The following IPCEF1 variants were observed in gnomAD, a reference collection of about 807,000 sequenced individuals.
The protein encoded by IPCEF1 is interactor protein for cytohesin exchange factors 1.
IPCEF1 carries 31 observed loss-of-function variants against 50.9 expected under a neutral mutation model. The ratio of observed to expected loss-of-function variants is 0.61; its 90% CI spans 0.46 to 0.82. IPCEF1 has a LOEUF of 0.82. Among genes scored for constraint, IPCEF1 ranks in the 40% least tolerant of loss-of-function variants. IPCEF1 has a pLI of 0.00. For synonymous variants in IPCEF1, 181 were observed against 192.0 expected, an observed-to-expected ratio of 0.94 and a Z score of 0.47; for missense variants, 458 against 514.0, an observed-to-expected ratio of 0.89 and a Z score of 1.05.
At chr6:154,292,805 G>A (rs1363199083) in intron 1 of IPCEF1, among the ~76,000 whole-genome samples, 2 of 152,104 alleles carry the variant, frequency 1.3e-5, no homozygotes, top group Non-Finnish European at 2.9e-5. Flanking sequence ...CTTAAAAGTG[G>A]GCGATATGTT....
chr6:154,343,735 C>T (rs117114723), intron 1 of IPCEF1, among the ~76,000 whole-genome samples: 2,914 of 152,304 alleles, frequency 0.019, 47 homozygotes, highest in Middle Eastern at 0.054. Context: ...AAAAGAGGTC[C>T]TTGGAAAGTT....
intron 1 of IPCEF1, among the ~76,000 whole-genome samples, chr6:154,347,070 T>C (rs4870278): frequency 0.32 from 47,940 of 152,058 alleles, 8,027 homozygotes; most frequent in African/African-American, 0.41. Context: ...CTCAGGCAAA[T>C]CTGGGCTGAG....
At chr6:154,301,704 C>T (rs1782800367) in intron 1 of IPCEF1, among the ~76,000 whole-genome samples, 1 of 152,032 alleles carries the variant, frequency 6.6e-6, no homozygotes, top group Admixed American at 6.6e-5. Context: ...GATAATTTAA[C>T]GTGATATGTG....
At chr6:154,236,767 G>A (rs1346506010) in intron 5 of IPCEF1, among the ~76,000 whole-genome samples, 3 of 152,252 alleles carry the variant, frequency 2.0e-5, no homozygotes, top group Non-Finnish European at 4.4e-5. Context: ...GAGATGGTGG[G>A]TGGTTTGCCT....
At chr6:154,356,589 G>T (rs742517) in intron 1 of IPCEF1, 83 bp downstream of exon 1, 49,135 of 152,118 alleles carry the variant, frequency 0.32, 8,381 homozygotes, top group Admixed American at 0.4. Flanking sequence ...TCTAAGGAGA[G>T]TGCTAGGGTA....
intron 1 of IPCEF1, among the ~76,000 whole-genome samples, chr6:154,328,522 T>C (rs2128691577): frequency 6.6e-6 from 1 of 152,070 alleles, no homozygotes; most frequent in East Asian, 1.9e-4. Flanking sequence ...GGCAGATGAC[T>C]TCAGCCCAAG....
rs1231183660 is a variant in IPCEF1, at chr6:154,156,723, G to C, written c.*3105C>G. 6.6e-6 allele frequency: 1 copy of C among 152,176 alleles called. No individual in the cohort carries two copies. The highest frequency in any genetic ancestry group is 1.5e-5 in the Non-Finnish European group (1 of 68,042). The allele number at this position is 152,176 out of a possible 1,614,324, so 9.4% of individuals were successfully genotyped here. A position where few individuals can be genotyped will look rare whatever the true frequency, so the allele number is the denominator to read the frequency against. ...TTGATCCTATTCTGAGATTTGAGCT[G>C]TTGTGGCAAAACTAAGAATTCTTTA... On this transcript the variant is annotated 3_prime_UTR_variant, in exon 12 of 12. Coordinates refer to ENST00000367220, the MANE Select transcript of IPCEF1 (RefSeq NM_001130700.2).
rs114840886 is a variant in IPCEF1 at position 154,350,289 on chromosome 6, T to A, written c.-62+6383A>T. 2.9e-3 allele frequency among the ~76,000 whole-genome samples: 436 copies of A among 152,142 alleles called. 2 individuals are homozygous for A. Among genetic ancestry groups the A allele is most frequent in the African/African-American group, 9.9e-3 (411 of 41,502 alleles). On this transcript the variant is annotated intron_variant, in intron 1 of 11. Transcript: ENST00000367220. ...CAATACAAACTGAGGTAAATAAATA[T>A]CCCCCCCAAATAGACGCTGATGTTC...
chr6:154,335,111 G>C (rs1217619528), intron 1 of IPCEF1, among the ~76,000 whole-genome samples: 2 of 151,868 alleles, frequency 1.3e-5, no homozygotes, highest in Admixed American at 6.6e-5. Flanking sequence ...CCAGGAGTTT[G>C]AGACCAGCCT....
chr6:154,180,360 A>T (rs1335864360), intron 10 of IPCEF1, among the ~76,000 whole-genome samples: 1 of 149,336 alleles, frequency 6.7e-6, no homozygotes, highest in African/African-American at 2.5e-5. Flanking sequence ...ATATATATAT[A>T]TACTGAGCTA....
intron 2 of IPCEF1, among the ~76,000 whole-genome samples, chr6:154,278,637 T>G (rs1782126540): frequency 6.6e-6 from 1 of 152,146 alleles, no homozygotes; most frequent in South Asian, 2.1e-4. Flanking sequence ...TGTTGAAACC[T>G]TTTCCTTTGA....
intron 1 of IPCEF1, among the ~76,000 whole-genome samples, chr6:154,292,068 G>A (rs1318776837): frequency 1.3e-5 from 2 of 152,160 alleles, no homozygotes; most frequent in African/African-American, 4.8e-5. Flanking sequence ...GTTTCAGTGT[G>A]GAAGATTTGT....
chr6:154,167,808 C>T (rs1044207594), intron 11 of IPCEF1, 112 bp downstream of exon 11: 4 of 748,430 alleles, frequency 5.3e-6, no homozygotes, highest in African/African-American at 5.2e-5. Context: ...ACTTTTACAG[C>T]CCTTCCCTGC....
chr6:154,343,108 G>A (rs576373949), intron 1 of IPCEF1, among the ~76,000 whole-genome samples: 6 of 152,102 alleles, frequency 3.9e-5, no homozygotes, highest in Non-Finnish European at 5.9e-5. Flanking sequence ...AGAGCCAGAC[G>A]CTATAAAAGA....
At chr6:154,256,303 G>A (rs1377903631) in intron 3 of IPCEF1, among the ~76,000 whole-genome samples, 1 of 152,096 alleles carries the variant, frequency 6.6e-6, no homozygotes, top group Non-Finnish European at 1.5e-5. Context: ...ATTCATCAGG[G>A]TGAAGCCCTC....
intron 3 of IPCEF1, among the ~76,000 whole-genome samples, chr6:154,248,568 A>C (rs80185040): frequency 0.026 from 3,958 of 152,224 alleles, 178 homozygotes; most frequent in African/African-American, 0.091. Flanking sequence ...CTACATATCT[A>C]ACTATTGATC....
chr6:154,350,683 C>T (rs1017878674), intron 1 of IPCEF1, among the ~76,000 whole-genome samples: 1 of 151,958 alleles, frequency 6.6e-6, no homozygotes, highest in Non-Finnish European at 1.5e-5. Flanking sequence ...AGTATATACG[C>T]TTACTTTCAT....
intron 3 of IPCEF1, among the ~76,000 whole-genome samples, chr6:154,250,184 A>G (rs543890631): frequency 6.6e-6 from 1 of 152,214 alleles, no homozygotes; most frequent in East Asian, 1.9e-4. Flanking sequence ...ACTCCTCACA[A>G]CAGGAAGTGG....
chr6:154,198,916 C>T (rs1322661197), intron 10 of IPCEF1, among the ~76,000 whole-genome samples: 1 of 152,130 alleles, frequency 6.6e-6, no homozygotes, highest in Non-Finnish European at 1.5e-5. Flanking sequence ...TCAGTATCTT[C>T]CATCAGGTAA....
Sources: allele counts gnomAD v4.1 joint callset (sites outside exome capture counted in the v4.1 genomes callset), GRCh38; gene constraint gnomAD v4.1.1; transcripts MANE v1.5; gene names NCBI Gene and HGNC (gene_info 2026-07-23, HGNC 2026-07-21).